Variants in AFAP1 observed in about 807,000 individuals in gnomAD.
AFAP1 encodes actin filament associated protein 1.
AFAP1 carries 75 observed loss-of-function variants against 93.9 expected under a neutral mutation model. The observed-to-expected ratio is 0.80, with a 90% CI of 0.66 to 0.97. AFAP1 has a LOEUF of 0.97. Ranked by LOEUF, AFAP1 falls within the 50% of genes least tolerant of loss-of-function variation. AFAP1 has a pLI of 0.00. For missense variants in AFAP1, 1,201 were observed against 1,050.8 expected (o/e 1.14, Z -1.98); for synonymous variants, 517 against 430.7 (o/e 1.20, Z -2.48).
chr4:7,866,434 G>A (rs940671416), intron 3 of AFAP1, among the ~76,000 whole-genome samples: 1 of 152,144 alleles, frequency 6.6e-6, no homozygotes, highest in Non-Finnish European at 1.5e-5. Flanking sequence ...GAGCTCAGGC[G>A]ATCCACCCGC....
At chr4:7,935,373 A>ATT (rs1721316050) in intron 1 of AFAP1, among the ~76,000 whole-genome samples, 2 of 152,360 alleles carry the variant, frequency 1.3e-5, no homozygotes, top group Non-Finnish European at 2.9e-5. Flanking sequence ...CTCTGCTAAA[A>ATT]AGAACTAAAG....
chr4:7,796,190 C>T (rs1175014257), intron 10 of AFAP1, among the ~76,000 whole-genome samples: 1 of 152,120 alleles, frequency 6.6e-6, no homozygotes. Context: ...CAACTCTCCG[C>T]CATTCTCCAC....
chr4:7,902,085 T>C (rs1185780377), intron 1 of AFAP1, among the ~76,000 whole-genome samples: 3 of 152,152 alleles, frequency 2.0e-5, no homozygotes, highest in Admixed American at 2.0e-4. Context: ...GTGGAGCAAA[T>C]AACCTGCCAT....
chr4:7,845,411 G>GATT (rs138117791), intron 4 of AFAP1, among the ~76,000 whole-genome samples: 6,460 of 145,222 alleles, frequency 0.044, 265 homozygotes, highest in African/African-American at 0.1. Context: ...AACAGAACAA[G>GATT]ATTATTATTA....
intron 1 of AFAP1, among the ~76,000 whole-genome samples, chr4:7,892,362 C>T (rs1254929824): frequency 6.6e-6 from 1 of 152,158 alleles, no homozygotes; most frequent in East Asian, 1.9e-4. Flanking sequence ...GGGCTCCTGA[C>T]CACAGGGACA....
intron 1 of AFAP1, among the ~76,000 whole-genome samples, chr4:7,887,556 T>C (rs1439218461): frequency 1.3e-5 from 2 of 152,166 alleles, no homozygotes; most frequent in African/African-American, 4.8e-5. Context: ...GTAAAACCAA[T>C]TGAGCCAAAA....
intron 3 of AFAP1, among the ~76,000 whole-genome samples, chr4:7,864,827 A>T (rs1245357718): frequency 6.6e-6 from 1 of 152,234 alleles, no homozygotes; most frequent in East Asian, 1.9e-4. Context: ...GTCAAAACAA[A>T]CTAGGCAGGG....
chr4:7,833,882 C>T (rs1711930406), intron 6 of AFAP1, among the ~76,000 whole-genome samples: 1 of 152,074 alleles, frequency 6.6e-6, no homozygotes, highest in Non-Finnish European at 1.5e-5. Flanking sequence ...GCCACTGCGC[C>T]CGACCTGGAG....
intron 4 of AFAP1, among the ~76,000 whole-genome samples, chr4:7,844,460 G>A (rs879547748): frequency 5.3e-5 from 8 of 152,114 alleles, no homozygotes; most frequent in Non-Finnish European, 8.8e-5. Context: ...TTGTCACTGC[G>A]GCATGAGCAG....
At position 7,846,059 on chromosome 4, in the gene AFAP1, G is replaced by A. The variant is rs190451098; in HGVS notation, c.335-2709C>T. ...GAAAAAGTCTGAGAAGGAGAAACGC[G>A]ATGAGCGAAAGCACTGACAAGCATC... is the stretch of plus-strand genomic sequence containing the variant. On this transcript the variant is annotated intron_variant, in intron 4 of 17. Transcript: ENST00000420658. 5.9e-5 allele frequency among the ~76,000 whole-genome samples: 9 copies of A among 152,286 alleles called. No homozygotes were observed. In the East Asian group the frequency reaches 1.5e-3, roughly 26 times the overall value.
At chr4:7,763,876 A>AG in intron 17 of AFAP1, 85 bp from the exon 18 acceptor site, 1 of 1,394,490 alleles carries the variant, frequency 7.2e-7, no homozygotes, top group Non-Finnish European at 1.0e-6. Context: ...TTCAACTCAG[A>AG]GGGGGTGGGT....
rs553304560 is a variant in AFAP1 at position 7,860,155 on chromosome 4, T to C, written c.226-4581A>G. On this transcript the variant is annotated intron_variant, in intron 3 of 17. Transcript: ENST00000420658. ...AGATGCTATCTCAAATAAATAATTG[T>C]TTGTAAAATGATATGTTATAAATAC... Among the ~76,000 whole-genome samples, 12 of 152,252 alleles carry C rather than the reference T, an allele frequency of 7.9e-5. No individual in the cohort carries two copies. The East Asian group carries it at 2.3e-3, about 29-fold the overall frequency.
In AFAP1 at chr4:7,760,127, CTG is replaced by C. The variant is rs1277710548; in HGVS notation, c.*3636_*3637del. Reference sequence around the variant, plus strand: ...TTGAGTCCCGTGCACAAGCACCAAACTGTGGCCATAATGACAATGAACCTCAA... The same window carrying C: ...TTGAGTCCCGTGCACAAGCACCAAACTGGCCATAATGACAATGAACCTCAA... On this transcript the variant is annotated 3_prime_UTR_variant, in exon 18 of 18. Coordinates refer to ENST00000420658, the MANE Select transcript of AFAP1 (RefSeq NM_001134647.2). The C allele has an allele frequency of 6.6e-6, 1 of 152,248 alleles. No homozygotes were observed. Among genetic ancestry groups the C allele is most frequent in the East Asian group, 1.9e-4 (1 of 5,196 alleles). 9.4% of individuals were successfully genotyped at this position (152,248 alleles called of 1,614,324 possible).
chr4:7,805,920 TG>T (rs1421180579), intron 9 of AFAP1, among the ~76,000 whole-genome samples: 1 of 152,054 alleles, frequency 6.6e-6, no homozygotes, highest in East Asian at 1.9e-4. Flanking sequence ...TCTGGTGGCC[TG>T]GGGAGGGGGA....
intron 10 of AFAP1, among the ~76,000 whole-genome samples, chr4:7,797,601 G>C (rs1718553849): frequency 6.6e-6 from 1 of 152,206 alleles, no homozygotes; most frequent in South Asian, 2.1e-4. Flanking sequence ...GAGGCAGAGG[G>C]AGCAGGCTAA....
chr4:7,834,686 T>C (rs116118312), intron 6 of AFAP1, among the ~76,000 whole-genome samples: 4,509 of 152,282 alleles, frequency 0.03, 213 homozygotes, highest in African/African-American at 0.093. Context: ...AGGGGGCAGC[T>C]GAGGGGCAAG....
chr4:7,868,944 A>AGAAAGG (rs1479219152), intron 2 of AFAP1, among the ~76,000 whole-genome samples: 7 of 151,814 alleles, frequency 4.6e-5, no homozygotes, highest in African/African-American at 1.2e-4. Context: ...AAAGAGAAAG[A>AGAAAGG]GAAAGGGAAA....
intron 17 of AFAP1, among the ~76,000 whole-genome samples, chr4:7,765,159 A>G (rs1714380825): frequency 6.6e-6 from 1 of 152,134 alleles, no homozygotes; most frequent in Non-Finnish European, 1.5e-5. Flanking sequence ...CTTAGGTCCA[A>G]AGTGATGAAG....
intron 6 of AFAP1, among the ~76,000 whole-genome samples, chr4:7,830,299 A>G (rs1484702932): frequency 1.9e-5 from 1 of 52,966 alleles, no homozygotes; most frequent in Non-Finnish European, 3.5e-5. Flanking sequence ...AATCTGGCAG[A>G]GTTGGTGATG....
Sources: gnomAD v4.1 joint callset for allele counts (sites outside exome capture counted in the v4.1 genomes callset) on GRCh38, gnomAD v4.1.1 for gene constraint, MANE v1.5 for transcripts, NCBI Gene and HGNC (gene_info 2026-07-23, HGNC 2026-07-21) for gene names.